The following MIPOL1 variants were observed in gnomAD, a reference collection of about 807,000 sequenced individuals.
MIPOL1 encodes mirror-image polydactyly 1.
A neutral mutation model predicts 60.9 loss-of-function variants in MIPOL1; 57 were observed. The ratio of observed to expected loss-of-function variants is 0.94; its 90% CI spans 0.76 to 1.17. The LOEUF (loss-of-function observed/expected upper bound fraction) is 1.17. MIPOL1 is among the 50% of genes most tolerant of loss of function. The pLI is 0.00. For missense variants in MIPOL1, 551 were observed against 511.6 expected (o/e 1.08, Z -0.74); for synonymous variants, 179 against 168.8 (o/e 1.06, Z -0.47).
At chr14:37,446,266 T>C (rs139100809) in intron 11 of MIPOL1, among the ~76,000 whole-genome samples, 197 of 152,206 alleles carry the variant, frequency 1.3e-3, no homozygotes, top group African/African-American at 4.4e-3. Flanking sequence ...GGGCGAAGGA[T>C]ATGAACAGAC....
intron 7 of MIPOL1, among the ~76,000 whole-genome samples, chr14:37,302,497 A>G (rs1008115207): frequency 6.6e-6 from 1 of 151,736 alleles, no homozygotes; most frequent in African/African-American, 2.4e-5. Context: ...TTCTGGATAT[A>G]AGTCGTTTAT....
At chr14:37,456,052 G>A (rs900000670) in intron 11 of MIPOL1, among the ~76,000 whole-genome samples, 1 of 151,814 alleles carries the variant, frequency 6.6e-6, no homozygotes, top group Non-Finnish European at 1.5e-5. Flanking sequence ...CAGCGTTATT[G>A]TAGAATCCTT....
At chr14:37,446,898 G>A (rs895613952) in intron 11 of MIPOL1, among the ~76,000 whole-genome samples, 3 of 151,756 alleles carry the variant, frequency 2.0e-5, no homozygotes, top group African/African-American at 4.8e-5. Context: ...CACAGGAAGG[G>A]GAGCATCACA....
intron 12 of MIPOL1, among the ~76,000 whole-genome samples, chr14:37,539,976 G>T (rs1287708079): frequency 6.6e-6 from 1 of 152,122 alleles, no homozygotes; most frequent in Non-Finnish European, 1.5e-5. Context: ...TTTAGAGGGG[G>T]CTTTTCCCCC....
rs114744372 is a variant in MIPOL1 at position 37,201,385 on chromosome 14, G to A, written c.-199+3281G>A. ...CTGTAAATCTGAAGAACAAAAGACAGGTAAGAAGTGAGAAAAGAAAGAAGA... is the reference window on the plus strand; with the variant it reads ...CTGTAAATCTGAAGAACAAAAGACAAGTAAGAAGTGAGAAAAGAAAGAAGA... On this transcript the variant is annotated intron_variant, in intron 1 of 12. Transcript: ENST00000684589. 2.6e-3 allele frequency among the ~76,000 whole-genome samples: 393 copies of A among 152,170 alleles called. 1 individual carries two copies. Among genetic ancestry groups the A allele is most frequent in the African/African-American group, 9.3e-3 (384 of 41,508 alleles).
chr14:37,451,664 T>C (rs2094418569), intron 11 of MIPOL1, among the ~76,000 whole-genome samples: 1 of 152,124 alleles, frequency 6.6e-6, no homozygotes, highest in Non-Finnish European at 1.5e-5. Flanking sequence ...GACATCCAAT[T>C]GATTTTAAAA....
chr14:37,341,895 A>G (rs1250232681), intron 9 of MIPOL1, among the ~76,000 whole-genome samples: 1 of 152,190 alleles, frequency 6.6e-6, no homozygotes, highest in Non-Finnish European at 1.5e-5. Flanking sequence ...TAGCTACTTG[A>G]CTTTAGAGGA....
chr14:37,237,687 A>T (rs1485383995), intron 1 of MIPOL1, among the ~76,000 whole-genome samples: 4 of 152,134 alleles, frequency 2.6e-5, no homozygotes, highest in Non-Finnish European at 5.9e-5. Flanking sequence ...TTAAATGATC[A>T]TGCCACCTTG....
chr14:37,270,874 C>G (rs932787515), intron 6 of MIPOL1, among the ~76,000 whole-genome samples: 3 of 152,002 alleles, frequency 2.0e-5, no homozygotes, highest in African/African-American at 7.2e-5. Context: ...TCAAATACCA[C>G]TTATTGTTTT....
At chr14:37,533,886 T>C (rs889664134) in intron 12 of MIPOL1, among the ~76,000 whole-genome samples, 3 of 151,950 alleles carry the variant, frequency 2.0e-5, no homozygotes, top group Non-Finnish European at 4.4e-5. Context: ...AAAGAAGAGC[T>C]GAGACCAGCC....
chr14:37,205,391 A>G (rs1039947503), intron 1 of MIPOL1, among the ~76,000 whole-genome samples: 2 of 152,110 alleles, frequency 1.3e-5, no homozygotes, highest in African/African-American at 2.4e-5. Flanking sequence ...GGTATAAGCC[A>G]CTGCACCCAG....
chr14:37,352,906 T>C (rs2091511705), intron 9 of MIPOL1, among the ~76,000 whole-genome samples: 1 of 139,524 alleles, frequency 7.2e-6, no homozygotes, highest in Non-Finnish European at 1.5e-5. Context: ...TTTCCTTCTC[T>C]TGCCTAATTG....
At chr14:37,346,501 C>G (rs955105404) in intron 9 of MIPOL1, among the ~76,000 whole-genome samples, 1 of 152,058 alleles carries the variant, frequency 6.6e-6, no homozygotes, top group Non-Finnish European at 1.5e-5. Flanking sequence ...TTATATTATG[C>G]TTATCTCTTT....
At chr14:37,464,691 A>G (rs1171534982) in intron 11 of MIPOL1, among the ~76,000 whole-genome samples, 1 of 152,146 alleles carries the variant, frequency 6.6e-6, no homozygotes, top group Non-Finnish European at 1.5e-5. Context: ...CCACTATGCA[A>G]TGTATCCATG....
intron 1 of MIPOL1, among the ~76,000 whole-genome samples, chr14:37,235,244 C>A (rs895519480): frequency 8.5e-5 from 13 of 152,058 alleles, no homozygotes; most frequent in African/African-American, 2.9e-4. Flanking sequence ...GCTGTAAATC[C>A]AGATTTGTAA....
At chr14:37,461,430 C>T (rs761841804) in intron 11 of MIPOL1, among the ~76,000 whole-genome samples, 15 of 152,072 alleles carry the variant, frequency 9.9e-5, no homozygotes, top group Non-Finnish European at 1.6e-4. Context: ...CATCTCCCAC[C>T]AGGTCCCTCC....
At chr14:37,223,558 A>G (rs1204040155) in intron 1 of MIPOL1, among the ~76,000 whole-genome samples, 1 of 151,634 alleles carries the variant, frequency 6.6e-6, no homozygotes, top group Non-Finnish European at 1.5e-5. Flanking sequence ...GCTGGAGTGC[A>G]ATGGCGCGAT....
chr14:37,292,465 CTTTTTT>C (rs34055899), intron 7 of MIPOL1, among the ~76,000 whole-genome samples: 4 of 63,442 alleles, frequency 6.3e-5, no homozygotes, highest in Non-Finnish European at 8.5e-5. Flanking sequence ...CCTTAATAAA[CTTTTTT>C]TTTTTTTTTT....
At chr14:37,404,641 T>C (rs1228883845) in intron 10 of MIPOL1, among the ~76,000 whole-genome samples, 1 of 152,220 alleles carries the variant, frequency 6.6e-6, no homozygotes, top group Admixed American at 6.5e-5. Context: ...TTACTTGTTT[T>C]AATAAATGCA....
Sources: allele counts gnomAD v4.1 joint callset (sites outside exome capture counted in the v4.1 genomes callset), GRCh38; gene constraint gnomAD v4.1.1; transcripts MANE v1.5; gene names NCBI Gene and HGNC (gene_info 2026-07-23, HGNC 2026-07-21).